The following SMPD4 variants were observed in gnomAD, a reference collection of about 807,000 sequenced individuals.
The protein encoded by SMPD4 is neutral sphingomyelinase 3.
A neutral mutation model predicts 97.8 loss-of-function variants in SMPD4; 58 were observed. The observed-to-expected ratio is 0.59, with a 90% CI of 0.48 to 0.74. The LOEUF is 0.74. Ranked by LOEUF, SMPD4 falls within the 30% of genes least tolerant of loss-of-function variation. The pLI is 0.00. For missense variants in SMPD4, 853 were observed against 1,080.5 expected (o/e 0.79, Z 2.95); for synonymous variants, 388 against 450.0 (o/e 0.86, Z 1.74).
chr2:130,179,966 TCTC>T (rs1383779186), intron 1 of SMPD4, among the ~76,000 whole-genome samples: 2 of 133,968 alleles, frequency 1.5e-5, no homozygotes, highest in Non-Finnish European at 3.2e-5. Flanking sequence ...TTTTCTTTTT[TCTC>T]CTTTTTTTTT....
rs192722755 is a variant in SMPD4 at position 130,160,456 on chromosome 2, G to A, written c.951+730C>T. On this transcript the variant is annotated intron_variant, in intron 11 of 19. Coordinates refer to ENST00000680298, the MANE Select transcript of SMPD4 (RefSeq NM_017951.5). ...CACAGATTCCTCTGTCATCCCTGAA[G>A]TCCCCTACAGGTCTGAACTCTGCTT... Among the ~76,000 whole-genome samples, 36 of 152,326 alleles carry A rather than the reference G, an allele frequency of 2.4e-4. No homozygotes were observed. The East Asian group carries it at 3.9e-3, about 16-fold the overall frequency.
In SMPD4 at chr2:130,156,043, C is replaced by T. The variant is rs1558742121; in HGVS notation, c.1281G>A (p.Ser427=). 35 of 1,611,196 alleles carry T rather than the reference C, an allele frequency of 2.2e-5. No individual in the cohort carries two copies. The highest frequency in any genetic ancestry group is 2.7e-5 in the Non-Finnish European group (32 of 1,179,782). The change falls in exon 14 of 20, where the codon TCG becomes TCA. Residue 427 remains serine (S), a synonymous_variant. Coordinates refer to ENST00000680298, the MANE Select transcript of SMPD4 (RefSeq NM_017951.5). ...PGSDSQPRCV[S]EKWAPFVQEN... ...GAGGAGCTGAGGCTCACCATTTCTCCGACACACACCGGGGCTGGGAGTCGC... is the reference window on the plus strand; with the variant it reads ...GAGGAGCTGAGGCTCACCATTTCTCTGACACACACCGGGGCTGGGAGTCGC...
chr2:130,167,416 C>T, intron 9 of SMPD4, 42 bp downstream of exon 9: 2 of 1,611,388 alleles, frequency 1.2e-6, no homozygotes, highest in Non-Finnish European at 1.7e-6. Flanking sequence ...GCCACCATGC[C>T]CAGCTGGCTG....
At chr2:130,181,749 G>A (rs1477685256), upstream of SMPD4, 1 of 1,548,344 alleles carries the variant, frequency 6.5e-7, no homozygotes, top group Non-Finnish European at 8.7e-7. Context: ...GGGAGGGAGT[G>A]GTCCTTAGCT....
chr2:130,156,873 C>T (rs1686855764), intron 12 of SMPD4, 198 bp from the exon 13 acceptor site: 11 of 1,453,792 alleles, frequency 7.6e-6, no homozygotes, highest in Admixed American at 2.0e-5. Flanking sequence ...ACACACAGCA[C>T]GCAGGCGGCC....
rs541645387 is a variant in SMPD4 at position 130,153,386 on chromosome 2, T to A, written c.1958A>T (p.Lys653Ile). The change falls in exon 18 of 20, where the codon AAA (lysine) becomes ATA (isoleucine). Residue 653 changes from lysine to isoleucine, a missense_variant. Physicochemically the swap from Lys to Ile is moderately radical, Grantham distance 102. Coordinates refer to ENST00000680298, the MANE Select transcript of SMPD4 (RefSeq NM_017951.5). Reference sequence around the variant, plus strand: ...CACGATGCAGTCGGGGAGTTGCTTTTTTCCATTCTCATCCTGGGTGGTGCC... The same window carrying A: ...CACGATGCAGTCGGGGAGTTGCTTTATTCCATTCTCATCCTGGGTGGTGCC... ...ALGTTQDENG[K>I]KQLPDCIVGE... The A allele has an allele frequency of 5.0e-6, 8 of 1,613,862 alleles. No individual in the cohort carries two copies. Among genetic ancestry groups the A allele is most frequent in the African/African-American group, 1.3e-5 (1 of 75,054 alleles).
intron 5 of SMPD4, 99 bp downstream of exon 5, chr2:130,173,180 C>T: frequency 8.2e-7 from 1 of 1,220,102 alleles, no homozygotes; most frequent in South Asian, 1.3e-5. Context: ...AATCGCTCCT[C>T]AATTTGCCCT....
intron 10 of SMPD4, among the ~76,000 whole-genome samples, chr2:130,161,539 C>T (rs1048161963): frequency 2.0e-5 from 3 of 152,190 alleles, no homozygotes; most frequent in African/African-American, 7.2e-5. Flanking sequence ...ACTCTCCTCG[C>T]TTTGAAGGCC....
At chr2:130,157,151 C>A in intron 12 of SMPD4, 100 bp downstream of exon 12, 9 of 1,458,310 alleles carry the variant, frequency 6.2e-6, no homozygotes, top group Non-Finnish European at 7.4e-6. Context: ...ACTCCCCTCA[C>A]CCTGCCCTCC....
intron 3 of SMPD4, among the ~76,000 whole-genome samples, chr2:130,174,586 G>T (rs1255812521): frequency 1.3e-5 from 2 of 152,196 alleles, no homozygotes; most frequent in Non-Finnish European, 2.9e-5. Context: ...GCTGTCCTGT[G>T]CTTTGCAGAA....
intron 9 of SMPD4, among the ~76,000 whole-genome samples, chr2:130,166,200 T>G (rs1040556647): frequency 6.7e-6 from 1 of 148,738 alleles, no homozygotes; most frequent in African/African-American, 2.5e-5. Flanking sequence ...TCCTAGCTAC[T>G]CGGGGGGCTG....
rs763508081 is a variant in SMPD4 at position 130,155,160 on chromosome 2, C to T, written c.1389G>A (p.Ala463=). ...CTTTGGCCACTCGGAACACCATGAGCGCGTGCTTGGGGCTGACCAGGTCTG... is the reference window on the plus strand; with the variant it reads ...CTTTGGCCACTCGGAACACCATGAGTGCGTGCTTGGGGCTGACCAGGTCTG... ...LRTDLVSPKH[A]LMVFRVAKVF... Residue 463 remains alanine, a synonymous_variant, in exon 15 of 20, where the codon GCG becomes GCA. Transcript: ENST00000680298. 60 of 1,614,214 alleles carry T rather than the reference C, an allele frequency of 3.7e-5. No homozygotes were observed. The highest frequency in any genetic ancestry group is 7.7e-5 in the South Asian group (7 of 91,088).
intron 8 of SMPD4, among the ~76,000 whole-genome samples, chr2:130,170,460 A>G (rs1298467313): frequency 6.8e-6 from 1 of 146,640 alleles, no homozygotes; most frequent in East Asian, 2.0e-4. Context: ...GACCCTGTCA[A>G]AAAAAAAAAA....
chr2:130,175,153 G>A (rs1399614250), intron 2 of SMPD4, among the ~76,000 whole-genome samples, 153 bp from the exon 3 acceptor site: 1 of 152,114 alleles, frequency 6.6e-6, no homozygotes, highest in Non-Finnish European at 1.5e-5. Context: ...ATGTGTGTCA[G>A]TGGCCCAAAG....
intron 2 of SMPD4, 141 bp downstream of exon 2, chr2:130,176,413 A>G: frequency 1.6e-6 from 1 of 617,812 alleles, no homozygotes; most frequent in East Asian, 3.0e-5. Context: ...CAGTCAAGTT[A>G]AGGAGTCTGC....
At chr2:130,156,810 C>T in intron 12 of SMPD4, 135 bp from the exon 13 acceptor site, 1 of 1,546,746 alleles carries the variant, frequency 6.5e-7, no homozygotes, top group Non-Finnish European at 8.7e-7. Context: ...GGTTCAGCCC[C>T]ATTCTTCAGA....
Position 130,161,065 on chromosome 2 carries a change from G to A in SMPD4, c.951+121C>T, listed in dbSNP as rs1010478915. The A allele has an allele frequency of 1.1e-4, 103 of 932,478 alleles. 1 individual carries two copies. Among genetic ancestry groups the A allele is most frequent in the Middle Eastern group, 7.0e-4 (2 of 2,840 alleles). 57.8% of individuals were successfully genotyped at this position (932,478 alleles called of 1,614,324 possible). A position where few individuals can be genotyped will look rare whatever the true frequency, so the allele number is the denominator to read the frequency against. On this transcript the variant is annotated intron_variant, in intron 11 of 19. Transcript: ENST00000680298. ...CTGACCCCTGCCTCCCCCCGACACAGGGGCTTCGTTCTGCTTGGAACTAGC... is the reference window on the plus strand; with the variant it reads ...CTGACCCCTGCCTCCCCCCGACACAAGGGCTTCGTTCTGCTTGGAACTAGC...
In SMPD4 at chr2:130,154,252, G is replaced by A. The variant is rs774987841; in HGVS notation, c.1659+25C>T. ...AGCCCCATGGCTCCAGGGGCCCTGA[G>A]GACAGGCACCGCCGAACCACTCACC... On this transcript the variant is annotated intron_variant, in intron 16 of 19. Coordinates refer to ENST00000680298, the MANE Select transcript of SMPD4 (RefSeq NM_017951.5). The A allele has an allele frequency of 4.5e-6, 7 of 1,562,796 alleles. No homozygotes were observed. In the East Asian group the frequency reaches 1.6e-4, roughly 35 times the overall value.
At chr2:130,180,328 A>G (rs1005437221) in intron 1 of SMPD4, among the ~76,000 whole-genome samples, 1 of 151,310 alleles carries the variant, frequency 6.6e-6, no homozygotes, top group Non-Finnish European at 1.5e-5. Context: ...GCTGGAGTGC[A>G]GTGGCGCGAT....
Sources: allele counts gnomAD v4.1 joint callset (sites outside exome capture counted in the v4.1 genomes callset), GRCh38; gene constraint gnomAD v4.1.1; transcripts MANE v1.5; gene names NCBI Gene and HGNC (gene_info 2026-07-23, HGNC 2026-07-21).